SDK1: variants seen among roughly 807,000 people sequenced by gnomAD.
SDK1 encodes the protein protein sidekick-1.
Under a neutral mutation model 245.5 loss-of-function variants are expected in SDK1, and 157 were observed. The ratio of observed to expected loss-of-function variants is 0.64; its 90% CI spans 0.56 to 0.73. The LOEUF (loss-of-function observed/expected upper bound fraction) is 0.73, where lower values mean the gene tolerates loss of function less well. Ranked by LOEUF, SDK1 falls within the 30% of genes least tolerant of loss-of-function variation. SDK1 has a pLI of 0.00. For synonymous variants in SDK1, 1,647 were observed against 1,278.5 expected, an observed-to-expected ratio of 1.29 and a Z score of -6.15; for missense variants, 3,583 against 3,002.3, an observed-to-expected ratio of 1.19 and a Z score of -4.52.
At chr7:3,492,991 C>T (rs1405941176) in intron 1 of SDK1, among the ~76,000 whole-genome samples, 2 of 152,102 alleles carry the variant, frequency 1.3e-5, no homozygotes, top group Non-Finnish European at 2.9e-5. Context: ...TGCTCTCTCG[C>T]CCAGGCTGGA....
intron 4 of SDK1, among the ~76,000 whole-genome samples, chr7:3,740,462 G>T (rs767177655): frequency 6.6e-6 from 1 of 152,134 alleles, no homozygotes; most frequent in Non-Finnish European, 1.5e-5. Flanking sequence ...CAGATTGTTT[G>T]CCCTAGGGAT....
chr7:3,394,490 T>C (rs1781842178), intron 1 of SDK1, among the ~76,000 whole-genome samples: 1 of 152,156 alleles, frequency 6.6e-6, no homozygotes, highest in Non-Finnish European at 1.5e-5. Flanking sequence ...CAAAATTGTT[T>C]TGATTATTCT....
At chr7:3,357,761 A>C (rs912082997) in intron 1 of SDK1, among the ~76,000 whole-genome samples, 2 of 152,076 alleles carry the variant, frequency 1.3e-5, no homozygotes, top group Non-Finnish European at 1.5e-5. Flanking sequence ...CACAGAAACA[A>C]AGTCCCCAGT....
At chr7:3,861,935 A>G (rs1780703432) in intron 5 of SDK1, among the ~76,000 whole-genome samples, 1 of 152,184 alleles carries the variant, frequency 6.6e-6, no homozygotes. Flanking sequence ...CGGAGCTCCT[A>G]CACAAAAACC....
chr7:4,220,193 A>G lies in SDK1; in HGVS notation c.5624A>G (p.Tyr1875Cys), dbSNP rs966525637. 5 of 1,613,830 alleles carry G rather than the reference A, an allele frequency of 3.1e-6. No homozygotes were observed. Among genetic ancestry groups the G allele is most frequent in the African/African-American group, 2.7e-5 (2 of 74,848 alleles). ...CGGGACCTCACCAAGGGAGTGACCTATTTCTTCCGTGTCCAAGCGCGGACC... is the reference window on the plus strand; with the variant it reads ...CGGGACCTCACCAAGGGAGTGACCTGTTTCTTCCGTGTCCAAGCGCGGACC... ...KVRDLTKGVT[Y>C]FFRVQARTIT... Residue 1875 changes from tyrosine (Y) to cysteine (C), a missense_variant, in exon 39 of 45, where the codon TAT becomes TGT. Tyr to Cys is a radical substitution (Grantham distance 194). Transcript: ENST00000404826.
At chr7:4,073,872 G>C (rs1267917434) in intron 20 of SDK1, among the ~76,000 whole-genome samples, 1 of 152,188 alleles carries the variant, frequency 6.6e-6, no homozygotes, top group Non-Finnish European at 1.5e-5. Flanking sequence ...CGAGTGTGTG[G>C]TGGGCAGGCA....
intron 5 of SDK1, among the ~76,000 whole-genome samples, chr7:3,930,728 G>A (rs1779947374): frequency 6.6e-6 from 1 of 152,192 alleles, no homozygotes; most frequent in African/African-American, 2.4e-5. Context: ...GGGAGGCGGA[G>A]GTTGCAGTGA....
At chr7:3,698,977 A>C (rs982841582) in intron 4 of SDK1, among the ~76,000 whole-genome samples, 1 of 152,196 alleles carries the variant, frequency 6.6e-6, no homozygotes, top group African/African-American at 2.4e-5. Context: ...AGAGAGGCCC[A>C]GGGGACGCTG....
chr7:3,665,573 C>G (rs1046129365), intron 4 of SDK1, among the ~76,000 whole-genome samples: 3 of 152,178 alleles, frequency 2.0e-5, no homozygotes, highest in East Asian at 1.9e-4. Context: ...TTGTGCCTGA[C>G]TAGTTAATAA....
At position 4,139,723 on chromosome 7, in the gene SDK1, G is replaced by A. The variant is rs867629823; in HGVS notation, c.4229-5999G>A. Among the ~76,000 whole-genome samples, 222 of 135,232 alleles carry A rather than the reference G, an allele frequency of 1.6e-3. 6 individuals carry two copies. The South Asian group carries it at 0.028, about 17-fold the overall frequency. The allele number at this position is 135,232 out of a possible 152,430, so 88.7% of individuals were successfully genotyped here. A position where few individuals can be genotyped will look rare whatever the true frequency, so the allele number is the denominator to read the frequency against. ...TGTGTGTATGTGTGTGTGTGTGTAT[G>A]TGTGTGTGTGTGTATGTGTGTGTGT... On this transcript the variant is annotated intron_variant, in intron 28 of 44. Transcript: ENST00000404826.
At chr7:4,210,908 C>T (rs1053454293) in intron 38 of SDK1, among the ~76,000 whole-genome samples, 7 of 152,132 alleles carry the variant, frequency 4.6e-5, no homozygotes, top group Admixed American at 2.0e-4. Flanking sequence ...GGGAAGAGAC[C>T]GGAGTGACAA....
chr7:3,537,706 G>A (rs943519373), intron 1 of SDK1, among the ~76,000 whole-genome samples: 1 of 152,212 alleles, frequency 6.6e-6, no homozygotes, highest in Non-Finnish European at 1.5e-5. Flanking sequence ...TGTCTGTGCT[G>A]TGGAGTCCAG....
At chr7:3,352,629 C>G (rs1034996750) in intron 1 of SDK1, among the ~76,000 whole-genome samples, 6 of 152,184 alleles carry the variant, frequency 3.9e-5, no homozygotes, top group Non-Finnish European at 5.9e-5. Flanking sequence ...TGTTGAATAA[C>G]AGAGCCACTC....
intron 2 of SDK1, among the ~76,000 whole-genome samples, chr7:3,631,141 C>T (rs1042967691): frequency 1.3e-5 from 2 of 152,056 alleles, no homozygotes; most frequent in Admixed American, 1.3e-4. Flanking sequence ...ACCATGTTGC[C>T]CAGGCTGGTC....
Position 4,208,118 on chromosome 7 carries a change from A to G in SDK1, c.5234A>G (p.Asp1745Gly), listed in dbSNP as rs946798208. 1.8e-5 allele frequency: 29 copies of G among 1,613,338 alleles called. No homozygotes were observed. Among genetic ancestry groups the G allele is most frequent in the Non-Finnish European group, 2.5e-5 (29 of 1,179,758 alleles). Residue 1745 changes from aspartate (D) to glycine (G), a missense_variant, in exon 37 of 45, where the codon GAC (aspartate) becomes GGC (glycine). Coordinates refer to ENST00000404826, the MANE Select transcript of SDK1 (RefSeq NM_152744.4). ...QGYKIYYWEA[D>G]SQNETEKMKV... ...TAACAGATTTACTACTGGGAGGCAG[A>G]CAGCCAGAACGAAACGGAGAAAATG...
Position 3,951,888 on chromosome 7 carries a change from C to A in SDK1, c.1118C>A (p.Pro373Gln). Reference protein sequence around the residue: ...EAALPGSAFEPARATAFLFII... With the variant: ...EAALPGSAFEQARATAFLFII... Reference sequence around the variant, plus strand: ...GCGCTGCCGGGGAGCGCTTTTGAACCGGCCAGGGCGACGGCCTTTCTTTTC... The same window carrying A: ...GCGCTGCCGGGGAGCGCTTTTGAACAGGCCAGGGCGACGGCCTTTCTTTTC... The change falls in exon 7 of 45, where the codon CCG (proline) becomes CAG (glutamine). Residue 373 changes from proline (P) to glutamine (Q), a missense_variant. Coordinates refer to ENST00000404826, the MANE Select transcript of SDK1 (RefSeq NM_152744.4). The A allele has an allele frequency of 6.2e-7, 1 of 1,613,326 alleles. No homozygotes were observed. Among genetic ancestry groups the A allele is most frequent in the South Asian group, 1.1e-5 (1 of 91,054 alleles).
intron 1 of SDK1, among the ~76,000 whole-genome samples, chr7:3,386,385 A>G (rs1438167399): frequency 6.6e-6 from 1 of 152,168 alleles, no homozygotes; most frequent in African/African-American, 2.4e-5. Flanking sequence ...TTAAAGTTGA[A>G]GTTTTTTAGG....
At chr7:3,361,118 A>G (rs918124238) in intron 1 of SDK1, among the ~76,000 whole-genome samples, 1 of 152,170 alleles carries the variant, frequency 6.6e-6, no homozygotes, top group Non-Finnish European at 1.5e-5. Flanking sequence ...AAATTCCTAG[A>G]AAAAAATCTG....
intron 5 of SDK1, among the ~76,000 whole-genome samples, chr7:3,850,282 A>G (rs1031983812): frequency 1.3e-5 from 2 of 152,198 alleles, no homozygotes; most frequent in African/African-American, 4.8e-5. Context: ...TATGTATCTC[A>G]TGAGAACATT....
Sources: allele counts gnomAD v4.1 joint callset (sites outside exome capture counted in the v4.1 genomes callset), GRCh38; gene constraint gnomAD v4.1.1; transcripts MANE v1.5; gene names NCBI Gene and HGNC (gene_info 2026-07-23, HGNC 2026-07-21).